Variants in COL9A3 observed in about 807,000 individuals in gnomAD.
COL9A3 encodes the protein collagen alpha-3(IX) chain.
In COL9A3, 82 loss-of-function variants were observed where a neutral mutation model predicts 110.2. That is an observed-to-expected ratio of 0.74 (90% confidence interval 0.62 to 0.89). COL9A3 has a LOEUF of 0.89. Among genes scored for constraint, COL9A3 ranks in the 40% least tolerant of loss-of-function variants. The pLI is 0.00. For synonymous variants in COL9A3, 494 were observed against 403.8 expected (o/e 1.22, Z -2.68); for missense variants, 1,066 against 981.3 (o/e 1.09, Z -1.15).
At chr20:62,829,925 C>A (rs1187984807) in intron 22 of COL9A3, 106 bp downstream of exon 22, 12 of 1,388,302 alleles carry the variant, frequency 8.6e-6, no homozygotes, top group Non-Finnish European at 1.2e-5. Flanking sequence ...CTTGATGGGC[C>A]AGGCCCACAA....
At position 62,834,918 on chromosome 20, in the gene COL9A3, C is replaced by T. The variant is rs150743212; in HGVS notation, c.1369-1003C>T. ...CCTCCCAAAGTGCTGGGATTACAGG[C>T]GTGAGCCACCTCGCCCAGCCCATTT... On this transcript the variant is annotated intron_variant, in intron 26 of 31. Transcript: ENST00000649368. Among the ~76,000 whole-genome samples the T allele has an allele frequency of 1.6e-3, 249 of 152,342 alleles. 8 individuals are homozygous for T. In the East Asian group the frequency reaches 0.037, roughly 23 times the overall value.
Position 62,827,946 on chromosome 20 carries a change from C to T in COL9A3, c.870C>T (p.Thr290=). The T allele has an allele frequency of 6.2e-7, 1 of 1,612,984 alleles. No homozygotes were observed. The highest frequency in any genetic ancestry group is 8.5e-7 in the Non-Finnish European group (1 of 1,179,996). ...AGGGCAGACCTGGTCCCAAGGGAACCCCCGGAGTGGCCGGGCCAAGCGGAG... is the reference window on the plus strand; with the variant it reads ...AGGGCAGACCTGGTCCCAAGGGAACTCCCGGAGTGGCCGGGCCAAGCGGAG... ...GDLGRPGPKG[T]PGVAGPSGEP... is the part of the protein sequence containing the mutation. The change falls in exon 17 of 32, where the codon ACC becomes ACT. Residue 290 remains threonine (T), a synonymous_variant. Transcript: ENST00000649368.
chr20:62,819,329 C>T (rs1439521524), intron 4 of COL9A3, 36 bp downstream of exon 4: 7 of 1,539,882 alleles, frequency 4.5e-6, no homozygotes, highest in African/African-American at 1.3e-5. Flanking sequence ...ATGCCCCACT[C>T]CCCGCTCCGG....
chr20:62,837,048 C>T (rs1600811354), intron 29 of COL9A3, 35 bp from the exon 30 acceptor site: 2 of 1,609,244 alleles, frequency 1.2e-6, no homozygotes, highest in East Asian at 2.2e-5. Context: ...ATGATCCTCT[C>T]TCGAGTAAAC....
chr20:62,823,073 A>AG (rs2063523916), intron 10 of COL9A3, among the ~76,000 whole-genome samples: 1 of 152,248 alleles, frequency 6.6e-6, no homozygotes, highest in African/African-American at 2.4e-5. Flanking sequence ...GCAGTGGCTC[A>AG]GGCCTGTAAT....
intron 17 of COL9A3, among the ~76,000 whole-genome samples, chr20:62,828,205 C>T (rs969594705): frequency 1.3e-5 from 2 of 151,936 alleles, no homozygotes; most frequent in African/African-American, 2.4e-5. Context: ...ACAGAGGACA[C>T]GGGAAGTAAG....
intron 11 of COL9A3, 86 bp from the exon 12 acceptor site, chr20:62,824,882 C>A: frequency 1.4e-6 from 2 of 1,400,920 alleles, no homozygotes; most frequent in Non-Finnish European, 2.0e-6. Context: ...CCTGGGCTGA[C>A]TGACCCTGCA....
rs1272918678 is a variant in COL9A3 at position 62,824,989 on chromosome 20, G to A, written c.598G>A (p.Glu200Lys). The A allele has an allele frequency of 4.3e-6, 7 of 1,610,282 alleles. No homozygotes were observed. Among genetic ancestry groups the A allele is most frequent in the African/African-American group, 2.7e-5 (2 of 74,616 alleles). ...GFKGPTGYKGEQGEVGKDGEK... is the reference protein window; with the variant it reads ...GFKGPTGYKGKQGEVGKDGEK... ...GCAGGGACCCACTGGCTACAAAGGC[G>A]AGCAGGGGGAAGTCGGCAAGGACGG... The change falls in exon 12 of 32, where the codon GAG becomes AAG. Residue 200 changes from glutamate (E) to lysine (K), a missense_variant. Physicochemically the swap from Glu to Lys is moderately conservative, Grantham distance 56. Coordinates refer to ENST00000649368, the MANE Select transcript of COL9A3 (RefSeq NM_001853.4).
chr20:62,836,115 G>A, intron 27 of COL9A3, 72 bp from the exon 28 acceptor site: 1 of 1,605,854 alleles, frequency 6.2e-7, no homozygotes, highest in East Asian at 2.2e-5. Flanking sequence ...GTGCCGGCTG[G>A]GAAAGAGCAC....
In COL9A3 at chr20:62,822,608, C is replaced by T; in HGVS notation, c.495C>T (p.Leu165=). 1.2e-6 allele frequency: 2 copies of T among 1,612,636 alleles called. No individual in the cohort carries two copies. The highest frequency in any genetic ancestry group is 1.7e-5 in the Admixed American group (1 of 60,032). The change falls in exon 10 of 32, where the codon CTC becomes CTT. Residue 165 remains leucine (L), a synonymous_variant. Transcript: ENST00000649368. ...TGTCTTAGGGACACCCAGGAGTCCTCCCTGAAGGCGCTACTGACCTTCAGG... is the reference window on the plus strand; with the variant it reads ...TGTCTTAGGGACACCCAGGAGTCCTTCCTGAAGGCGCTACTGACCTTCAGG... ...PPGPPGHPGV[L]PEGATDLQCP...
chr20:62,821,195 C>G lies in COL9A3; in HGVS notation c.324C>G (p.Pro108=). Residue 108 remains proline, a synonymous_variant, in exon 6 of 32, where the codon CCC becomes CCG. Transcript: ENST00000649368. ...TCCTCCCACAGGGAAGTCTGGGACC[C>G]CCGGGGCCGCCCGGGCTGGGGGTGA... ...GAPGERGSLG[P]PGPPGLGGKG... is the part of the protein sequence containing the mutation. 6.2e-7 allele frequency: 1 copy of G among 1,613,186 alleles called. No individual in the cohort carries two copies. Among genetic ancestry groups the G allele is most frequent in the Non-Finnish European group, 8.5e-7 (1 of 1,179,804 alleles).
chr20:62,820,547 A>G (rs1291292694), intron 5 of COL9A3, among the ~76,000 whole-genome samples: 3 of 152,186 alleles, frequency 2.0e-5, no homozygotes, highest in Non-Finnish European at 2.9e-5. Context: ...GGCTGGGGAC[A>G]CGAGGACACA....
intron 29 of COL9A3, chr20:62,836,736 C>T (rs975171714): frequency 1.1e-5 from 7 of 644,396 alleles, no homozygotes; most frequent in Non-Finnish European, 1.6e-5. Flanking sequence ...CACGCTCCCG[C>T]CCCGGATTCA....
In COL9A3 at chr20:62,826,172, C is replaced by A. The variant is rs373771634; in HGVS notation, c.685-32C>A. ...TGCTCCCCGGGGTGGAGGTGCAGCCCCAGCCTCTGCATCTGTGCCTCTCTC... is the reference window on the plus strand; with the variant it reads ...TGCTCCCCGGGGTGGAGGTGCAGCCACAGCCTCTGCATCTGTGCCTCTCTC... On this transcript the variant is annotated intron_variant, in intron 13 of 31. Transcript: ENST00000649368. The A allele has an allele frequency of 3.2e-6, 5 of 1,549,018 alleles. No individual in the cohort carries two copies. The African/African-American group carries it at 5.5e-5, about 17-fold the overall frequency.
Position 62,817,558 on chromosome 20 carries a change from C to T in COL9A3, c.79-9C>T, listed in dbSNP as rs1423295284. 1.3e-6 allele frequency: 2 copies of T among 1,539,918 alleles called. No individual in the cohort carries two copies. The highest frequency in any genetic ancestry group is 2.4e-5 in the East Asian group (1 of 40,852). On this transcript the variant is annotated splice_polypyrimidine_tract_variant and intron_variant, in intron 1 of 31. Transcript: ENST00000649368. ...ACCTGCGCTCCTTAATGAGTTTTCT[C>T]CGTTTCAGAGAGTGGGACTCCCCGG...
At chr20:62,828,712 G>C in intron 17 of COL9A3, 52 bp from the exon 18 acceptor site, 1 of 1,598,804 alleles carries the variant, frequency 6.3e-7, no homozygotes, top group South Asian at 1.1e-5. Context: ...GGACTGTAGA[G>C]GGAGGGAGGG....
At position 62,821,409 on chromosome 20, in the gene COL9A3, C is replaced by A. The variant is rs140708008; in HGVS notation, c.346-98C>A. 4 of 1,526,390 alleles carry A rather than the reference C, an allele frequency of 2.6e-6. No individual in the cohort carries two copies. The East Asian group carries it at 6.8e-5, about 26-fold the overall frequency. The allele number at this position is 1,526,390 out of a possible 1,614,324, so 94.6% of individuals were successfully genotyped here. A position where few individuals can be genotyped will look rare whatever the true frequency, so the allele number is the denominator to read the frequency against. ...GGGACCAGACACCCATCCCTGGAAC[C>A]GCCCTTTCCCCAGGACCCACCTGAG... On this transcript the variant is annotated intron_variant, in intron 6 of 31. Coordinates refer to ENST00000649368, the MANE Select transcript of COL9A3 (RefSeq NM_001853.4).
intron 24 of COL9A3, 59 bp downstream of exon 24, chr20:62,830,647 C>A: frequency 5.9e-6 from 5 of 844,922 alleles, no homozygotes; most frequent in South Asian, 1.7e-5. Context: ...GTACCACAGT[C>A]CCCCACCCCC....
intron 30 of COL9A3, 56 bp from the exon 31 acceptor site, chr20:62,838,628 T>G: frequency 7.0e-7 from 1 of 1,437,530 alleles, no homozygotes; most frequent in Non-Finnish European, 9.6e-7. Flanking sequence ...GACACCGCTG[T>G]GGTGTGGCTG....
Sources: allele counts gnomAD v4.1 joint callset (sites outside exome capture counted in the v4.1 genomes callset), GRCh38; gene constraint gnomAD v4.1.1; transcripts MANE v1.5; gene names NCBI Gene and HGNC (gene_info 2026-07-23, HGNC 2026-07-21).